The following LGR4 variants were observed in gnomAD, a reference collection of about 807,000 sequenced individuals.
The protein encoded by LGR4 is leucine rich repeat containing G protein-coupled receptor 4, also known as leucine-rich repeat-containing G protein-coupled receptor 4.
Under a neutral mutation model 84.8 loss-of-function variants are expected in LGR4, and 44 were observed. That is an observed-to-expected ratio of 0.52 (90% confidence interval 0.41 to 0.67). The LOEUF (loss-of-function observed/expected upper bound fraction) is 0.67, where lower values mean the gene tolerates loss of function less well. Among genes scored for constraint, LGR4 ranks in the 30% least tolerant of loss-of-function variants. The probability of loss-of-function intolerance (pLI) is 0.00; values close to 1 mark genes in which losing one functional copy is unlikely to be tolerated. For synonymous variants in LGR4, 429 were observed against 434.3 expected, an observed-to-expected ratio of 0.99 and a Z score of 0.15; for missense variants, 1,032 against 1,131.4, an observed-to-expected ratio of 0.91 and a Z score of 1.26.
chr11:27,397,769 C>T (rs545824469), intron 2 of LGR4, among the ~76,000 whole-genome samples: 2 of 152,140 alleles, frequency 1.3e-5, no homozygotes, highest in Admixed American at 6.5e-5. Context: ...TCTCAACACA[C>T]GCTGTGTTGT....
At chr11:27,439,829 T>TAA (rs1167319067) in intron 1 of LGR4, among the ~76,000 whole-genome samples, 2 of 151,920 alleles carry the variant, frequency 1.3e-5, no homozygotes, top group East Asian at 3.9e-4. Context: ...GGGACACTCT[T>TAA]AAAGACACCC....
chr11:27,446,824 G>C (rs1339990429), intron 1 of LGR4, among the ~76,000 whole-genome samples: 3 of 152,028 alleles, frequency 2.0e-5, no homozygotes, highest in Non-Finnish European at 4.4e-5. Context: ...AGAAAATGTG[G>C]CACATATACA....
chr11:27,401,218 C>T (rs1429838896), intron 2 of LGR4, among the ~76,000 whole-genome samples: 1 of 152,076 alleles, frequency 6.6e-6, no homozygotes, highest in Non-Finnish European at 1.5e-5. Context: ...TAATGCTTAA[C>T]AAAAAATAAG....
At chr11:27,378,820 C>T in intron 10 of LGR4, 52 bp from the exon 11 acceptor site, 1 of 1,275,950 alleles carries the variant, frequency 7.8e-7, no homozygotes, top group Non-Finnish European at 1.1e-6. Context: ...AGATAGTAAG[C>T]AAAATTTATT....
At chr11:27,468,701 GAAA>G (rs35761131) in intron 1 of LGR4, among the ~76,000 whole-genome samples, 4 of 137,022 alleles carry the variant, frequency 2.9e-5, no homozygotes, top group Non-Finnish European at 4.6e-5. Context: ...ATTGTCACGA[GAAA>G]AAAAAAAAAA....
intron 1 of LGR4, among the ~76,000 whole-genome samples, chr11:27,437,527 C>T (rs1237162578): frequency 6.6e-6 from 1 of 152,056 alleles, no homozygotes; most frequent in East Asian, 1.9e-4. Context: ...TTGCATGTCA[C>T]CTGGTCAGGT....
intron 17 of LGR4, among the ~76,000 whole-genome samples, chr11:27,371,365 C>T (rs1407128571): frequency 6.6e-6 from 1 of 152,170 alleles, no homozygotes; most frequent in Non-Finnish European, 1.5e-5. Flanking sequence ...CTCTGAAATT[C>T]TAACGTGTAC....
intron 1 of LGR4, among the ~76,000 whole-genome samples, chr11:27,447,667 A>G (rs1440730456): frequency 6.6e-6 from 1 of 151,946 alleles, no homozygotes; most frequent in Non-Finnish European, 1.5e-5. Context: ...TAACTTTGTC[A>G]CTCTTATTGA....
intron 7 of LGR4, among the ~76,000 whole-genome samples, chr11:27,381,957 C>T (rs748842548): frequency 1.3e-5 from 2 of 152,204 alleles, no homozygotes; most frequent in South Asian, 2.1e-4. Context: ...TAAAGGCAGA[C>T]GCTGTATATC....
chr11:27,447,254 T>C (rs1285252295), intron 1 of LGR4, among the ~76,000 whole-genome samples: 1 of 151,922 alleles, frequency 6.6e-6, no homozygotes, highest in African/African-American at 2.4e-5. Context: ...GCAGGAGTGG[T>C]TGCACAAGAT....
intron 17 of LGR4, 112 bp downstream of exon 17, chr11:27,371,503 T>A: frequency 3.0e-6 from 2 of 658,408 alleles, no homozygotes; most frequent in Non-Finnish European, 5.0e-6. Context: ...CCTCACAGGA[T>A]CCTCTAGTAC....
At chr11:27,465,641 G>A (rs1044739241) in intron 1 of LGR4, among the ~76,000 whole-genome samples, 1 of 152,138 alleles carries the variant, frequency 6.6e-6, no homozygotes, top group Non-Finnish European at 1.5e-5. Flanking sequence ...GTTAGTCTTC[G>A]GAAAGTTGAG....
At chr11:27,413,743 G>A (rs1565084753) in intron 1 of LGR4, among the ~76,000 whole-genome samples, 1 of 152,102 alleles carries the variant, frequency 6.6e-6, no homozygotes, top group African/African-American at 2.4e-5. Context: ...TCACATGTAG[G>A]ACATGTCCAT....
chr11:27,430,446 C>T (rs916673362), intron 1 of LGR4, among the ~76,000 whole-genome samples: 11 of 152,164 alleles, frequency 7.2e-5, no homozygotes, highest in Non-Finnish European at 1.6e-4. Context: ...GAGGCACAGA[C>T]ACTTAAATAA....
At chr11:27,438,416 A>G (rs1175657720) in intron 1 of LGR4, among the ~76,000 whole-genome samples, 1 of 152,184 alleles carries the variant, frequency 6.6e-6, no homozygotes, top group Non-Finnish European at 1.5e-5. Context: ...CTTGGCAGGC[A>G]GAAGCTGGGA....
At position 27,380,301 on chromosome 11, in the gene LGR4, T is replaced by C. The variant is rs375937843; in HGVS notation, c.941A>G (p.Asn314Ser). Residue 314 changes from asparagine (N) to serine (S), a missense_variant, in exon 10 of 18, where the codon AAT (asparagine) becomes AGT (serine). By Grantham distance (46) the Asn-to-Ser change is conservative (BLOSUM62 1). Transcript: ENST00000379214. ...TTCCAGGTGGACAGTTCCTGTAAGA[T>C]TGGGGAACTGCTGCACCATGCTTGC... Reference protein sequence around the residue: ...RGASMVQQFPNLTGTVHLESL... With the variant: ...RGASMVQQFPSLTGTVHLESL... 10 of 1,611,592 alleles carry C rather than the reference T, an allele frequency of 6.2e-6. No homozygotes were observed. Among genetic ancestry groups the C allele is most frequent in the Middle Eastern group, 1.6e-4 (1 of 6,072 alleles).
At chr11:27,428,459 A>G (rs1000042842) in intron 1 of LGR4, among the ~76,000 whole-genome samples, 6 of 152,158 alleles carry the variant, frequency 3.9e-5, no homozygotes, top group Non-Finnish European at 5.9e-5. Context: ...TCTTTTTGGA[A>G]TAAAATGGAT....
chr11:27,385,079 G>A (rs1863161251), intron 5 of LGR4, among the ~76,000 whole-genome samples, 174 bp downstream of exon 5: 1 of 152,130 alleles, frequency 6.6e-6, no homozygotes, highest in South Asian at 2.1e-4. Context: ...ATCATCAGCT[G>A]GTAATGTTTT....
chr11:27,412,478 T>C (rs1863729875), intron 2 of LGR4, among the ~76,000 whole-genome samples: 1 of 152,142 alleles, frequency 6.6e-6, no homozygotes, highest in Non-Finnish European at 1.5e-5. Context: ...AGCAGCCTTG[T>C]TATCTCAGAA....
Sources: gnomAD v4.1 joint callset for allele counts (sites outside exome capture counted in the v4.1 genomes callset) on GRCh38, gnomAD v4.1.1 for gene constraint, MANE v1.5 for transcripts, NCBI Gene and HGNC (gene_info 2026-07-23, HGNC 2026-07-21) for gene names.